Variants in ADGRB3 observed in about 807,000 individuals in gnomAD.
The protein encoded by ADGRB3 is brain-specific angiogenesis inhibitor 3.
A neutral mutation model predicts 193.4 loss-of-function variants in ADGRB3; 37 were observed. The observed-to-expected ratio is 0.19, with a 90% confidence interval of 0.15 to 0.25. The LOEUF (loss-of-function observed/expected upper bound fraction) is 0.25, where lower values mean the gene tolerates loss of function less well. Ranked by LOEUF, ADGRB3 falls within the 10% of genes least tolerant of loss-of-function variation. The probability of loss-of-function intolerance (pLI) is 1.00; values close to 1 mark genes in which losing one functional copy is unlikely to be tolerated. For synonymous variants in ADGRB3, 690 were observed against 644.2 expected (o/e 1.07, Z -1.08); for missense variants, 1,637 against 1,852.9 (o/e 0.88, Z 2.14).
rs558453514 is a variant in ADGRB3, at chr6:69,242,185, G to A, written c.2814+2959G>A. On this transcript the variant is annotated intron_variant, in intron 20 of 31. Coordinates refer to ENST00000370598, the MANE Select transcript of ADGRB3 (RefSeq NM_001704.3). Reference sequence around the variant, plus strand: ...TCTCAAAAAAATAGAAAAGTACAAAGTGTGTTGTCTGTATAAACTTATGAT... The same window carrying A: ...TCTCAAAAAAATAGAAAAGTACAAAATGTGTTGTCTGTATAAACTTATGAT... Among the ~76,000 whole-genome samples the A allele has an allele frequency of 1.6e-4, 25 of 151,960 alleles. No homozygotes were observed. The South Asian group carries it at 5.0e-3, about 30-fold the overall frequency.
intron 3 of ADGRB3, among the ~76,000 whole-genome samples, chr6:68,835,988 C>T (rs1392268513): frequency 6.6e-6 from 1 of 152,170 alleles, no homozygotes; most frequent in East Asian, 1.9e-4. Context: ...ACCACCTCTA[C>T]TCTTGGCTAG....
intron 6 of ADGRB3, among the ~76,000 whole-genome samples, chr6:68,951,763 G>A (rs1767926971): frequency 6.6e-6 from 1 of 152,150 alleles, no homozygotes; most frequent in African/African-American, 2.4e-5. Flanking sequence ...CAATGACCCT[G>A]AGAGGTCCCT....
At chr6:69,317,274 G>A (rs528100842) in intron 20 of ADGRB3, among the ~76,000 whole-genome samples, 87 of 151,500 alleles carry the variant, frequency 5.7e-4, no homozygotes, top group African/African-American at 2.1e-3. Flanking sequence ...TCCCTTTGGG[G>A]GAGAATATTA....
intron 17 of ADGRB3, among the ~76,000 whole-genome samples, chr6:69,091,424 T>C (rs1772704565): frequency 6.6e-6 from 1 of 152,016 alleles, no homozygotes; most frequent in Admixed American, 6.6e-5. Context: ...ATAAAGAAAA[T>C]GTGGTACATA....
intron 15 of ADGRB3, among the ~76,000 whole-genome samples, chr6:69,060,186 TTCTC>T (rs74424085): frequency 0.068 from 8,902 of 131,092 alleles, 363 homozygotes; most frequent in African/African-American, 0.13. Flanking sequence ...CACATTTTCT[TTCTC>T]TCTCTCTCTT....
intron 20 of ADGRB3, among the ~76,000 whole-genome samples, chr6:69,281,137 C>T (rs1582601873): frequency 6.6e-6 from 1 of 152,266 alleles, no homozygotes; most frequent in Non-Finnish European, 1.5e-5. Flanking sequence ...TAATTTAGAG[C>T]ATACATTTCC....
Position 69,360,896 on chromosome 6 carries a change from G to C in ADGRB3, c.3623G>C (p.Arg1208Pro), listed in dbSNP as rs752022044. The C allele has an allele frequency of 3.1e-6, 5 of 1,609,424 alleles. No individual in the cohort carries two copies. Among genetic ancestry groups the C allele is most frequent in the Non-Finnish European group, 4.2e-6 (5 of 1,177,532 alleles). Residue 1208 changes from arginine (R) to proline (P), a missense_variant, in exon 29 of 32, where the codon CGA becomes CCA. Arg to Pro is a moderately radical substitution (Grantham distance 103). Around this residue, in one of 7 missense-constraint regions of ADGRB3, gnomAD observed 116 missense variants for 168.1 expected, o/e 0.69. Transcript: ENST00000370598. ...SVLHKDIGPC[R>P]AATITGTLSR... ...CTTCATAAGGATATTGGTCCTTGCC[G>C]AGCAGCCACAATAACAGGAACACTT...
intron 17 of ADGRB3, 76 bp from the exon 18 acceptor site, chr6:69,233,214 C>T (rs1766187031): frequency 1.3e-6 from 2 of 1,555,718 alleles, no homozygotes; most frequent in East Asian, 4.6e-5. Flanking sequence ...CTCAATTAAA[C>T]TGCATTTTCT....
At chr6:68,950,816 C>A (rs1186425022) in intron 6 of ADGRB3, among the ~76,000 whole-genome samples, 1 of 152,194 alleles carries the variant, frequency 6.6e-6, no homozygotes, top group Non-Finnish European at 1.5e-5. Context: ...ACAGTATAGT[C>A]CTCCAATATT....
chr6:68,759,409 G>T (rs561681775), intron 3 of ADGRB3, among the ~76,000 whole-genome samples: 38 of 152,114 alleles, frequency 2.5e-4, no homozygotes, highest in African/African-American at 8.7e-4. Context: ...GTTCTTGAAA[G>T]ATTATTTTAC....
intron 20 of ADGRB3, 47 bp downstream of exon 20, chr6:69,239,273 G>A (rs1172205044): frequency 1.5e-6 from 2 of 1,331,672 alleles, no homozygotes; most frequent in Non-Finnish European, 1.1e-6. Context: ...TTATATTTTG[G>A]CATATTGTTA....
Position 69,257,087 on chromosome 6 carries a change from C to G in ADGRB3, c.2814+17861C>G, listed in dbSNP as rs550438831. 2.0e-5 allele frequency among the ~76,000 whole-genome samples: 3 copies of G among 152,174 alleles called. No individual in the cohort carries two copies. In the South Asian group the frequency reaches 6.2e-4, roughly 32 times the overall value. ...CACGGTGGATAAGCTTTTTGATGTG[C>G]TGCTGGATTCGGTTTGCCAGTATTT... On this transcript the variant is annotated intron_variant, in intron 20 of 31. Transcript: ENST00000370598.
intron 17 of ADGRB3, among the ~76,000 whole-genome samples, chr6:69,110,906 T>C (rs1026675790): frequency 2.0e-5 from 3 of 152,194 alleles, no homozygotes; most frequent in African/African-American, 2.4e-5. Context: ...TGTGGAAATA[T>C]TCAATCTCAG....
Position 69,360,901 on chromosome 6 carries a change from G to C in ADGRB3, c.3628G>C (p.Ala1210Pro), listed in dbSNP as rs777526338. Residue 1210 changes from alanine (A) to proline (P), a missense_variant, in exon 29 of 32, where the codon GCC (alanine) becomes CCC (proline). Physicochemically the swap from Ala to Pro is conservative, Grantham distance 27. This residue lies in a region of ADGRB3 where 116 missense variants were observed against 168.1 expected (regional missense o/e 0.69). Transcript: ENST00000370598. ...TAAGGATATTGGTCCTTGCCGAGCAGCCACAATAACAGGAACACTTTCTAG... is the reference window on the plus strand; with the variant it reads ...TAAGGATATTGGTCCTTGCCGAGCACCCACAATAACAGGAACACTTTCTAG... Reference protein sequence around the residue: ...LHKDIGPCRAATITGTLSRIS... With the variant: ...LHKDIGPCRAPTITGTLSRIS... The C allele has an allele frequency of 6.2e-7, 1 of 1,610,700 alleles. No homozygotes were observed. Among genetic ancestry groups the C allele is most frequent in the East Asian group, 2.2e-5 (1 of 44,822 alleles).
At chr6:69,039,394 T>G (rs1187826322) in intron 13 of ADGRB3, among the ~76,000 whole-genome samples, 1 of 152,140 alleles carries the variant, frequency 6.6e-6, no homozygotes, top group Non-Finnish European at 1.5e-5. Flanking sequence ...ACTGAAGATC[T>G]TGGAACATAT....
chr6:68,939,769 T>C (rs948331270), intron 5 of ADGRB3, among the ~76,000 whole-genome samples: 1 of 152,192 alleles, frequency 6.6e-6, no homozygotes, highest in Non-Finnish European at 1.5e-5. Context: ...TAAAATGTAA[T>C]GTTTTAAACA....
intron 3 of ADGRB3, among the ~76,000 whole-genome samples, chr6:68,797,456 C>G (rs1359188831): frequency 6.6e-6 from 1 of 151,700 alleles, no homozygotes; most frequent in African/African-American, 2.4e-5. Flanking sequence ...GAGATGCTGG[C>G]ACACCTTGAA....
chr6:68,855,435 TTAATG>T (rs1051846014), intron 3 of ADGRB3, among the ~76,000 whole-genome samples: 8 of 151,988 alleles, frequency 5.3e-5, no homozygotes, highest in African/African-American at 9.7e-5. Flanking sequence ...TTAATTTAAT[TTAATG>T]TAATCATGTG....
intron 3 of ADGRB3, among the ~76,000 whole-genome samples, chr6:68,900,661 A>G (rs777677668): frequency 2.0e-5 from 3 of 152,148 alleles, no homozygotes; most frequent in Non-Finnish European, 4.4e-5. Flanking sequence ...GAGGTTACAC[A>G]TTGATCAGCA....
Sources: gnomAD v4.1 joint callset for allele counts (sites outside exome capture counted in the v4.1 genomes callset) on GRCh38, gnomAD v4.1.1 for gene constraint, gnomAD v4.1.1 regional missense constraint, MANE v1.5 for transcripts, NCBI Gene and HGNC (gene_info 2026-07-23, HGNC 2026-07-21) for gene names.